TERF2: variants seen among roughly 807,000 people sequenced by gnomAD.
TERF2 encodes telomeric repeat binding factor 2.
TERF2 carries 16 observed loss-of-function variants against 56.1 expected under a neutral mutation model. The ratio of observed to expected loss-of-function variants is 0.29; its 90% confidence interval spans 0.19 to 0.43. TERF2 has a LOEUF of 0.43. TERF2 is among the 20% of genes least tolerant of loss of function. The probability of loss-of-function intolerance (pLI) is 1.00; values close to 1 mark genes in which losing one functional copy is unlikely to be tolerated. For synonymous variants in TERF2, 296 were observed against 282.1 expected (o/e 1.05, Z -0.50); for missense variants, 547 against 712.9 (o/e 0.77, Z 2.65).
intron 2 of TERF2, 61 bp downstream of exon 2, chr16:69,385,330 T>C (rs1048516611): frequency 2.0e-5 from 28 of 1,420,556 alleles, no homozygotes; most frequent in Non-Finnish European, 2.7e-5. Flanking sequence ...GTTCTAGATA[T>C]AAGTTTTAAA....
chr16:69,385,257 C>A lies in TERF2; in HGVS notation c.475+134G>T, dbSNP rs544244152. 43 of 722,790 alleles carry A rather than the reference C, an allele frequency of 5.9e-5. No individual in the cohort carries two copies. In the African/African-American group the frequency reaches 7.4e-4, roughly 12 times the overall value. 44.8% of individuals were successfully genotyped at this position (722,790 alleles called of 1,614,324 possible). A position where few individuals can be genotyped will look rare whatever the true frequency, so the allele number is the denominator to read the frequency against. ...GAGCCAGTCGAGCCAGAAAACAGAC[C>A]CATCGTAGAATGAAAAAGACCACTC... is the stretch of plus-strand genomic sequence containing the variant. On this transcript the variant is annotated intron_variant, in intron 2 of 9. Transcript: ENST00000254942.
intron 5 of TERF2, among the ~76,000 whole-genome samples, chr16:69,369,905 C>T (rs956813301): frequency 3.3e-5 from 5 of 152,316 alleles, no homozygotes; most frequent in Non-Finnish European, 5.9e-5. Flanking sequence ...GAACCACCAT[C>T]GATTGCAAGT....
intron 3 of TERF2, among the ~76,000 whole-genome samples, chr16:69,383,105 G>C (rs1469475167): frequency 6.6e-6 from 1 of 152,090 alleles, no homozygotes; most frequent in Non-Finnish European, 1.5e-5. Flanking sequence ...AGCCCACAAA[G>C]ACTCTTCCAG....
chr16:69,361,216 A>G (rs2013124571), intron 8 of TERF2, 188 bp downstream of exon 8: 11 of 597,368 alleles, frequency 1.8e-5, no homozygotes, highest in Non-Finnish European at 1.5e-5. Flanking sequence ...TGGGTGACAG[A>G]GCAAGACCCT....
At position 69,386,002 on chromosome 16, in the gene TERF2, GC is replaced by G; in HGVS notation, c.-32del. On this transcript the variant is annotated 5_prime_UTR_variant, in exon 1 of 10. Coordinates refer to ENST00000254942, the MANE Select transcript of TERF2 (RefSeq NM_005652.5). Reference sequence around the variant, plus strand: ...AAACAGCGTTCCGAGCCGCCCGCGGGCTTCTGGGAGGGAAAGGACCGGAGGG... The same window carrying G: ...AAACAGCGTTCCGAGCCGCCCGCGGGTTCTGGGAGGGAAAGGACCGGAGGG... The G allele has an allele frequency of 7.7e-7, 1 of 1,302,220 alleles. No homozygotes were observed. The highest frequency in any genetic ancestry group is 2.1e-5 in the South Asian group (1 of 48,396). 80.7% of individuals were successfully genotyped at this position (1,302,220 alleles called of 1,614,324 possible). A position where few individuals can be genotyped will look rare whatever the true frequency, so the allele number is the denominator to read the frequency against.
At chr16:69,378,692 T>C (rs1243310365) in intron 3 of TERF2, among the ~76,000 whole-genome samples, 1 of 152,174 alleles carries the variant, frequency 6.6e-6, no homozygotes, top group African/African-American at 2.4e-5. Context: ...CTGGTCTCCT[T>C]CCCTATATGC....
intron 3 of TERF2, among the ~76,000 whole-genome samples, chr16:69,380,000 G>C (rs1000103752): frequency 3.9e-4 from 59 of 151,930 alleles, no homozygotes; most frequent in African/African-American, 1.3e-3. Flanking sequence ...CAGCCTCCTC[G>C]CCTCCTGGGT....
chr16:69,365,294 C>T (rs1225999174), intron 7 of TERF2: 4 of 152,188 alleles, frequency 2.6e-5, no homozygotes, highest in East Asian at 1.9e-4. Context: ...ATTTGCCAGC[C>T]GGTGACTCAC....
At chr16:69,371,982 G>A (rs987102968) in intron 4 of TERF2, among the ~76,000 whole-genome samples, 1 of 152,154 alleles carries the variant, frequency 6.6e-6, no homozygotes, top group African/African-American at 2.4e-5. Context: ...TGTTACATTT[G>A]TCAGCTCCAT....
intron 5 of TERF2, chr16:69,368,735 G>A (rs1184674497): frequency 1.3e-6 from 1 of 794,636 alleles, no homozygotes; most frequent in East Asian, 4.6e-5. Flanking sequence ...GCAGCACAGT[G>A]GTGCAATCTC....
At chr16:69,370,236 G>A in intron 5 of TERF2, 1 of 480,414 alleles carries the variant, frequency 2.1e-6, no homozygotes, top group Non-Finnish European at 3.6e-6. Context: ...TCACCATGTT[G>A]CTCAGGCAGG....
At position 69,372,296 on chromosome 16, in the gene TERF2, T is replaced by C. The variant is rs762387842; in HGVS notation, c.666A>G (p.Lys222=). ...GAGTTGTGGGGTCCTTGGACATATG[T>C]TTTTTCAAAATTTTTGAAGCCTTTT... ...EFEKASKILK[K]HMSKDPTTQK... is the part of the protein sequence containing the mutation. The change falls in exon 4 of 10, where the codon AAA becomes AAG. Residue 222 remains lysine (K), a synonymous_variant. Coordinates refer to ENST00000254942, the MANE Select transcript of TERF2 (RefSeq NM_005652.5). 3.7e-6 allele frequency: 6 copies of C among 1,611,678 alleles called. No individual in the cohort carries two copies. Among genetic ancestry groups the C allele is most frequent in the East Asian group, 4.5e-5 (2 of 44,788 alleles).
chr16:69,366,641 G>A (rs2013355254), intron 7 of TERF2, 166 bp downstream of exon 7: 2 of 887,878 alleles, frequency 2.3e-6, no homozygotes, highest in African/African-American at 1.7e-5. Flanking sequence ...GAACCGGCAG[G>A]GATGGCTACG....
intron 7 of TERF2, among the ~76,000 whole-genome samples, chr16:69,362,543 A>G (rs73564410): frequency 0.027 from 4,116 of 152,308 alleles, 186 homozygotes; most frequent in African/African-American, 0.094. Flanking sequence ...GAGAGCCACA[A>G]GGGAGTTATA....
At chr16:69,363,829 C>T (rs2013237306) in intron 7 of TERF2, among the ~76,000 whole-genome samples, 1 of 151,918 alleles carries the variant, frequency 6.6e-6, no homozygotes, top group Non-Finnish European at 1.5e-5. Flanking sequence ...TAGCCAGGTG[C>T]GGTGGCACGC....
rs148759139 is a variant in TERF2, at chr16:69,385,089, T to A, written c.475+302A>T. ...AGAGTACTTCCACTCTGAAAAACTC[T>A]CTACCATGGGGGAAAAAAGATGTCC... On this transcript the variant is annotated intron_variant, in intron 2 of 9. Coordinates refer to ENST00000254942, the MANE Select transcript of TERF2 (RefSeq NM_005652.5). Among the ~76,000 whole-genome samples, 28 of 152,128 alleles carry A rather than the reference T, an allele frequency of 1.8e-4. No homozygotes were observed. The East Asian group carries it at 5.4e-3, about 29-fold the overall frequency.
rs1338821126 is a variant in TERF2 at position 69,356,017 on chromosome 16, GT to G, written c.*880del. The G allele has an allele frequency of 3.2e-6, 1 of 309,954 alleles. No individual in the cohort carries two copies. The highest frequency in any genetic ancestry group is 2.2e-5 in the African/African-American group (1 of 45,242). 19.2% of individuals were successfully genotyped at this position (309,954 alleles called of 1,614,324 possible). ...AACCTGCCTACATAGCCCAGCAGATGTTGACAGCAAATGCCAAGGCAGACAG... is the reference window on the plus strand; with the variant it reads ...AACCTGCCTACATAGCCCAGCAGATGTGACAGCAAATGCCAAGGCAGACAG... On this transcript the variant is annotated 3_prime_UTR_variant, in exon 10 of 10. Transcript: ENST00000254942.
Position 69,361,483 on chromosome 16 carries a change from G to C in TERF2, c.1347C>G (p.Pro449=), listed in dbSNP as rs368235326. 76 of 1,612,770 alleles carry C rather than the reference G, an allele frequency of 4.7e-5. No individual in the cohort carries two copies. The highest frequency in any genetic ancestry group is 6.1e-5 in the Non-Finnish European group (72 of 1,178,936). Residue 449 remains proline, a synonymous_variant, in exon 8 of 10, where the codon CCC becomes CCG. Transcript: ENST00000254942. ...CATTAGAGCTGTTCCACTTGCCTTT[G>C]GGTACTCTGAGGGGAGATCAAGGAG... is the stretch of plus-strand genomic sequence containing the variant. The part of the protein sequence containing the change: ...PLPGEKNPKV[P]KGKWNSSNGV...
chr16:69,368,052 C>T (rs2013416277), intron 6 of TERF2, among the ~76,000 whole-genome samples: 1 of 152,236 alleles, frequency 6.6e-6, no homozygotes, highest in South Asian at 2.1e-4. Context: ...ATTCGACTCA[C>T]AGATCTGAGC....
Sources: gnomAD v4.1 joint callset for allele counts (sites outside exome capture counted in the v4.1 genomes callset) on GRCh38, gnomAD v4.1.1 for gene constraint, MANE v1.5 for transcripts, NCBI Gene and HGNC (gene_info 2026-07-23, HGNC 2026-07-21) for gene names.